The following MYBL2 variants were observed in gnomAD, a reference collection of about 807,000 sequenced individuals.
MYBL2 encodes MYB proto-oncogene like 2.
Under a neutral mutation model 79.9 loss-of-function variants are expected in MYBL2, and 28 were observed. That is an observed-to-expected ratio of 0.35 (90% CI 0.26 to 0.48). The LOEUF (loss-of-function observed/expected upper bound fraction) is 0.48. MYBL2 is among the 20% of genes least tolerant of loss of function. The pLI is 0.99. For missense variants in MYBL2, 735 were observed against 893.9 expected (o/e 0.82, Z 2.27); for synonymous variants, 378 against 361.2 (o/e 1.05, Z -0.53).
At chr20:43,698,025 C>A (rs1267856381) in intron 6 of MYBL2, among the ~76,000 whole-genome samples, 1 of 148,464 alleles carries the variant, frequency 6.7e-6, no homozygotes, top group African/African-American at 2.5e-5. Flanking sequence ...AACAAATTAC[C>A]CCTTAATTTG....
intron 2 of MYBL2, among the ~76,000 whole-genome samples, chr20:43,677,067 C>G (rs1288407982): frequency 6.6e-6 from 1 of 152,104 alleles, no homozygotes; most frequent in African/African-American, 2.4e-5. Context: ...CTAAAACTTG[C>G]TGTGTGAGTG....
At chr20:43,701,159 C>T (rs285165) in intron 7 of MYBL2, among the ~76,000 whole-genome samples, 114,236 of 152,108 alleles carry the variant, frequency 0.75, 43,932 homozygotes, top group Non-Finnish European at 0.83. Context: ...CCTTGCTGTC[C>T]GGCTCAGAGC....
In MYBL2 at chr20:43,695,382, T is replaced by C. The variant is rs144745619; in HGVS notation, c.663+3063T>C. 3.9e-3 allele frequency among the ~76,000 whole-genome samples: 592 copies of C among 152,270 alleles called. 3 individuals are homozygous for C. The Middle Eastern group carries it at 0.041, about 10-fold the overall frequency. ...TTACCCGTGTCTCTCCAATGTGGTC[T>C]TTCTGGTGTGCTATTTATTTAACTA... On this transcript the variant is annotated intron_variant, in intron 6 of 13. Coordinates refer to ENST00000217026, the MANE Select transcript of MYBL2 (RefSeq NM_002466.4).
At chr20:43,692,645 CAG>C (rs1240844309) in intron 6 of MYBL2, among the ~76,000 whole-genome samples, 1 of 152,102 alleles carries the variant, frequency 6.6e-6, no homozygotes, top group Non-Finnish European at 1.5e-5. Flanking sequence ...ATAAAAAAAT[CAG>C]AGGTGGCTGG....
chr20:43,673,970 T>A (rs542912703), intron 2 of MYBL2, 71 bp downstream of exon 2: 1 of 1,328,094 alleles, frequency 7.5e-7, no homozygotes, highest in African/African-American at 1.5e-5. Context: ...CTGGAGTGTA[T>A]TTGATGTCTC....
At chr20:43,667,819 C>T (rs902568496) in intron 1 of MYBL2, among the ~76,000 whole-genome samples, 1 of 152,272 alleles carries the variant, frequency 6.6e-6, no homozygotes, top group East Asian at 1.9e-4. Flanking sequence ...GCCCTCTCCC[C>T]TGGACTGAGA....
In MYBL2 at chr20:43,711,591, G is replaced by A. The variant is rs1987909043; in HGVS notation, c.1709G>A (p.Arg570Lys). 6.2e-7 allele frequency: 1 copy of A among 1,612,608 alleles called. No homozygotes were observed. The highest frequency in any genetic ancestry group is 8.5e-7 in the Non-Finnish European group (1 of 1,179,266). Residue 570 changes from arginine to lysine, a missense_variant, in exon 11 of 14, where the codon AGG becomes AAG. Arg to Lys is a conservative substitution (Grantham distance 26). This residue lies in a region of MYBL2 where 204 missense variants were observed against 202.9 expected (regional missense o/e 1.01). Coordinates refer to ENST00000217026, the MANE Select transcript of MYBL2 (RefSeq NM_002466.4). ...EDDIRPEKQKRKPGLRRSPIK... is the reference protein window; with the variant it reads ...EDDIRPEKQKKKPGLRRSPIK... ...GACATCAGGCCCGAGAAGCAGAAGA[G>A]GAAGCCTGGGGTGAGTAGGGTAGGG...
intron 6 of MYBL2, among the ~76,000 whole-genome samples, chr20:43,698,351 ATTTT>A (rs71193701): frequency 2.2e-4 from 11 of 49,086 alleles, no homozygotes; most frequent in Non-Finnish European, 3.9e-4. Flanking sequence ...CGCCCCGCAT[ATTTT>A]TTTTTTTTTT....
intron 1 of MYBL2, among the ~76,000 whole-genome samples, chr20:43,671,690 T>C (rs1986861539): frequency 6.6e-6 from 1 of 151,756 alleles, no homozygotes; most frequent in East Asian, 2.0e-4. Flanking sequence ...CAGGCTAGTC[T>C]CGAACTCCCG....
intron 7 of MYBL2, among the ~76,000 whole-genome samples, chr20:43,701,608 A>G (rs2145728239): frequency 6.6e-6 from 1 of 152,338 alleles, no homozygotes; most frequent in Admixed American, 6.5e-5. Context: ...TTGGTATGAA[A>G]GGGAAAGTAA....
chr20:43,705,711 T>G (rs1476068604), intron 9 of MYBL2, among the ~76,000 whole-genome samples: 1 of 150,538 alleles, frequency 6.6e-6, no homozygotes, highest in Non-Finnish European at 1.5e-5. Context: ...TATTTATTTA[T>G]TTATTTTGAG....
At chr20:43,669,385 T>C (rs1986807083) in intron 1 of MYBL2, among the ~76,000 whole-genome samples, 1 of 152,208 alleles carries the variant, frequency 6.6e-6, no homozygotes, top group Admixed American at 6.5e-5. Context: ...ACTTCTCCCA[T>C]GAGGGGCTCA....
chr20:43,711,230 A>C (rs1024337412), intron 10 of MYBL2, among the ~76,000 whole-genome samples: 1 of 152,208 alleles, frequency 6.6e-6, no homozygotes, highest in Non-Finnish European at 1.5e-5. Context: ...GTTACTGCAC[A>C]GGGCTGTGTG....
At chr20:43,698,680 T>C (rs1987613920) in intron 6 of MYBL2, among the ~76,000 whole-genome samples, 1 of 149,510 alleles carries the variant, frequency 6.7e-6, no homozygotes, top group Non-Finnish European at 1.5e-5. Context: ...TTTTTTTTTT[T>C]TTTAAATGAG....
At chr20:43,679,460 CTT>C (rs1987094542) in intron 2 of MYBL2, among the ~76,000 whole-genome samples, 1 of 152,044 alleles carries the variant, frequency 6.6e-6, no homozygotes, top group African/African-American at 2.4e-5. Flanking sequence ...ATCTCTAAAA[CTT>C]TTTCATCTTT....
intron 9 of MYBL2, among the ~76,000 whole-genome samples, chr20:43,706,719 G>GTTTTTTTTTTTCT (rs1987791822): frequency 1.4e-5 from 1 of 70,780 alleles, no homozygotes; most frequent in African/African-American, 6.0e-5. Flanking sequence ...AAAAAAAAAA[G>GTTTTTTTTTTTCT]TTTTTTTTTT....
intron 1 of MYBL2, 94 bp from the exon 2 acceptor site, chr20:43,673,712 T>C: frequency 8.3e-7 from 1 of 1,197,988 alleles, no homozygotes; most frequent in Non-Finnish European, 1.2e-6. Flanking sequence ...CCCCAGACCT[T>C]TCCCTAGGGT....
chr20:43,700,172 C>T (rs1208157585), intron 7 of MYBL2, 128 bp downstream of exon 7: 3 of 1,290,656 alleles, frequency 2.3e-6, no homozygotes, highest in African/African-American at 3.0e-5. Flanking sequence ...TGCTGAATGC[C>T]TAGCCCTGAC....
intron 6 of MYBL2, among the ~76,000 whole-genome samples, chr20:43,695,266 C>T (rs1421461886): frequency 6.6e-6 from 1 of 152,136 alleles, no homozygotes; most frequent in Non-Finnish European, 1.5e-5. Context: ...GTCTTGAACT[C>T]CTGACCTCAG....
Sources: allele counts gnomAD v4.1 joint callset (sites outside exome capture counted in the v4.1 genomes callset), GRCh38; gene constraint gnomAD v4.1.1; regional missense constraint gnomAD v4.1.1; transcripts MANE v1.5; gene names NCBI Gene and HGNC (gene_info 2026-07-23, HGNC 2026-07-21).